Variants in RIMS2 observed in about 807,000 individuals in gnomAD.
The protein encoded by RIMS2 is regulating synaptic membrane exocytosis 2.
A neutral mutation model predicts 174.4 loss-of-function variants in RIMS2; 59 were observed. The ratio of observed to expected loss-of-function variants is 0.34; its 90% CI spans 0.27 to 0.42. The LOEUF is 0.42. Among genes scored for constraint, RIMS2 ranks in the 10% least tolerant of loss-of-function variants. The probability of loss-of-function intolerance (pLI) is 1.00; values close to 1 mark genes in which losing one functional copy is unlikely to be tolerated. For synonymous variants in RIMS2, 606 were observed against 572.5 expected (o/e 1.06, Z -0.84); for missense variants, 1,620 against 1,666.3 (o/e 0.97, Z 0.48).
chr8:103,612,126 G>C (rs558824508), intron 1 of RIMS2, among the ~76,000 whole-genome samples: 1 of 152,036 alleles, frequency 6.6e-6, no homozygotes, highest in Non-Finnish European at 1.5e-5. Context: ...ATTTCTGCTT[G>C]ATTTTTTAAA....
intron 2 of RIMS2, among the ~76,000 whole-genome samples, chr8:103,714,721 A>T (rs2097348243): frequency 6.6e-6 from 1 of 152,136 alleles, no homozygotes; most frequent in Non-Finnish European, 1.5e-5. Context: ...ATAATGATAG[A>T]ATCAATGATA....
intron 1 of RIMS2, among the ~76,000 whole-genome samples, chr8:103,581,125 G>A (rs1243960781): frequency 6.6e-6 from 1 of 151,986 alleles, no homozygotes; most frequent in Non-Finnish European, 1.5e-5. Flanking sequence ...GCCGAGAAGG[G>A]AATACTTTCA....
intron 1 of RIMS2, among the ~76,000 whole-genome samples, chr8:103,611,623 T>A (rs1291162221): frequency 6.6e-6 from 1 of 152,092 alleles, no homozygotes; most frequent in Non-Finnish European, 1.5e-5. Context: ...TCCTGGCCTG[T>A]GAAAAGTCAG....
At chr8:103,715,727 T>C (rs1023047399) in intron 2 of RIMS2, among the ~76,000 whole-genome samples, 1 of 152,150 alleles carries the variant, frequency 6.6e-6, no homozygotes. Flanking sequence ...AAATTACCAG[T>C]GGTAATCAAT....
chr8:103,550,180 C>T (rs1197519580), intron 1 of RIMS2, among the ~76,000 whole-genome samples: 2 of 152,058 alleles, frequency 1.3e-5, no homozygotes, highest in Non-Finnish European at 2.9e-5. Flanking sequence ...ATCGCACTTA[C>T]TCCAAAATTG....
intron 19 of RIMS2, among the ~76,000 whole-genome samples, chr8:104,076,845 C>G (rs1334202719): frequency 6.8e-6 from 1 of 147,310 alleles, no homozygotes; most frequent in Admixed American, 6.8e-5. Flanking sequence ...TTTACATAGT[C>G]TCGCTCTGTT....
At chr8:103,584,207 A>T (rs563112618) in intron 1 of RIMS2, among the ~76,000 whole-genome samples, 131 of 152,300 alleles carry the variant, frequency 8.6e-4, no homozygotes, top group African/African-American at 3.1e-3. Flanking sequence ...TGGTAAAGGA[A>T]AAACACTTTT....
chr8:103,608,923 C>T (rs565255093), intron 1 of RIMS2, among the ~76,000 whole-genome samples: 2 of 152,206 alleles, frequency 1.3e-5, no homozygotes, highest in Non-Finnish European at 2.9e-5. Flanking sequence ...CCTGGTACCT[C>T]AGATGGAAAT....
At chr8:104,247,357 C>T (rs1165901270) in intron 20 of RIMS2, among the ~76,000 whole-genome samples, 1 of 152,124 alleles carries the variant, frequency 6.6e-6, no homozygotes, top group Admixed American at 6.6e-5. Flanking sequence ...AGATGGCCAC[C>T]TTCTTGTGAT....
intron 1 of RIMS2, among the ~76,000 whole-genome samples, chr8:103,519,319 T>C (rs1017801880): frequency 6.6e-6 from 1 of 152,128 alleles, no homozygotes; most frequent in Non-Finnish European, 1.5e-5. Context: ...TTTCTTCAAC[T>C]TCAATAGGAA....
intron 14 of RIMS2, among the ~76,000 whole-genome samples, chr8:103,956,512 A>G (rs980262996): frequency 1.3e-5 from 2 of 152,350 alleles, no homozygotes; most frequent in African/African-American, 2.4e-5. Context: ...AGGATTCCCT[A>G]TATAATAAAT....
At chr8:104,161,769 G>C (rs895266568) in intron 19 of RIMS2, among the ~76,000 whole-genome samples, 3 of 152,138 alleles carry the variant, frequency 2.0e-5, no homozygotes, top group Non-Finnish European at 4.4e-5. Flanking sequence ...TGTCATCCAC[G>C]CTCGGATTTT....
chr8:104,205,327 C>CTGAT (rs2099074812), intron 19 of RIMS2, among the ~76,000 whole-genome samples: 2 of 152,120 alleles, frequency 1.3e-5, no homozygotes, highest in Non-Finnish European at 2.9e-5. Context: ...AGAACACAAA[C>CTGAT]TGATACTGTA....
At chr8:103,522,711 C>T (rs1169092814) in intron 1 of RIMS2, among the ~76,000 whole-genome samples, 3 of 152,096 alleles carry the variant, frequency 2.0e-5, no homozygotes, top group Non-Finnish European at 1.5e-5. Context: ...TTATATTTTT[C>T]CAAATGGGAA....
intron 2 of RIMS2, among the ~76,000 whole-genome samples, chr8:103,705,087 A>C (rs1015057193): frequency 6.6e-6 from 1 of 151,878 alleles, no homozygotes; most frequent in Non-Finnish European, 1.5e-5. Context: ...TTAGCCATTT[A>C]TTGATGTAAA....
At chr8:104,148,575 G>C (rs369743981) in intron 19 of RIMS2, 32 bp from the exon 25 acceptor site, 30 of 1,574,578 alleles carry the variant, frequency 1.9e-5, no homozygotes, top group Non-Finnish European at 2.5e-5. Flanking sequence ...TTTTACTCTT[G>C]TCCTCACTTT....
At chr8:103,516,487 C>T (rs916979092) in intron 1 of RIMS2, among the ~76,000 whole-genome samples, 16 of 151,772 alleles carry the variant, frequency 1.1e-4, no homozygotes, top group Admixed American at 5.3e-4. Flanking sequence ...AATTCTGTCA[C>T]GAATGACTCT....
At chr8:104,223,572 G>A (rs1034970475) in intron 19 of RIMS2, 42 of 1,466,904 alleles carry the variant, frequency 2.9e-5, no homozygotes, top group Non-Finnish European at 3.7e-5. Context: ...CACTGGTCCC[G>A]GAACCGCTGC....
chr8:103,904,283 A>G (rs1392480664), intron 4 of RIMS2, among the ~76,000 whole-genome samples: 2 of 152,010 alleles, frequency 1.3e-5, no homozygotes, highest in African/African-American at 4.8e-5. Flanking sequence ...CCTTTTTATT[A>G]TAAGTAGCAT....
Sources: gnomAD v4.1 joint callset for allele counts (sites outside exome capture counted in the v4.1 genomes callset) on GRCh38, gnomAD v4.1.1 for gene constraint, MANE v1.5 for transcripts, NCBI Gene and HGNC (gene_info 2026-07-23, HGNC 2026-07-21) for gene names.